KANSL1: variants seen among roughly 807,000 people sequenced by gnomAD.
KANSL1 encodes the protein KAT8 regulatory NSL complex subunit 1.
Under a neutral mutation model 103.6 loss-of-function variants are expected in KANSL1, and 22 were observed. That is an observed-to-expected ratio of 0.21 (90% CI 0.15 to 0.30). The LOEUF (loss-of-function observed/expected upper bound fraction) is 0.30. Ranked by LOEUF, KANSL1 falls within the 10% of genes least tolerant of loss-of-function variation. The pLI is 1.00. For synonymous variants in KANSL1, 600 were observed against 527.6 expected (o/e 1.14, Z -1.88); for missense variants, 1,337 against 1,399.8 (o/e 0.96, Z 0.72).
chr17:46,169,642 A>G (rs1284179385), intron 2 of KANSL1: 2 of 152,278 alleles, frequency 1.3e-5, no homozygotes, highest in African/African-American at 2.4e-5. Flanking sequence ...CTAGTCAATT[A>G]TCCTGCCCCT....
intron 14 of KANSL1, 168 bp downstream of exon 14, chr17:46,031,879 G>T: frequency 9.3e-7 from 1 of 1,071,224 alleles, no homozygotes; most frequent in Non-Finnish European, 1.4e-6. Flanking sequence ...TGATCATTTA[G>T]CAGTGATCAA....
At chr17:46,123,417 G>C (rs1013620530) in intron 2 of KANSL1, among the ~76,000 whole-genome samples, 6 of 152,192 alleles carry the variant, frequency 3.9e-5, no homozygotes, top group Admixed American at 6.5e-5. Flanking sequence ...AGCTAGAAGT[G>C]ATTAAGCTTC....
intron 1 of KANSL1, among the ~76,000 whole-genome samples, chr17:46,215,555 G>C (rs2048314431): frequency 6.6e-6 from 1 of 152,202 alleles, no homozygotes; most frequent in Non-Finnish European, 1.5e-5. Context: ...GACTCAAAAA[G>C]GAGAAGTAGG....
chr17:46,067,856 T>C (rs946742292), intron 4 of KANSL1, among the ~76,000 whole-genome samples, 189 bp from the exon 5 acceptor site: 5 of 152,040 alleles, frequency 3.3e-5, no homozygotes, highest in Admixed American at 6.6e-5. Flanking sequence ...GCAACTATAA[T>C]TGCAGCACTT....
chr17:46,049,122 A>G (rs1003742053), intron 7 of KANSL1, among the ~76,000 whole-genome samples: 2 of 151,516 alleles, frequency 1.3e-5, no homozygotes, highest in Non-Finnish European at 2.9e-5. Context: ...TTCCTGAGTT[A>G]TCTCTATTTT....
At chr17:46,172,886 T>C (rs2046355633) in intron 1 of KANSL1, among the ~76,000 whole-genome samples, 1 of 152,250 alleles carries the variant, frequency 6.6e-6, no homozygotes, top group Admixed American at 6.5e-5. Context: ...AAGTATCTTC[T>C]GCCCTCAGTA....
intron 2 of KANSL1, chr17:46,147,981 C>CG (rs1368906586): frequency 6.6e-6 from 1 of 152,158 alleles, no homozygotes; most frequent in African/African-American, 2.4e-5. Context: ...TGTGGTTACT[C>CG]GTTCTGGGCC....
At chr17:46,203,005 G>C (rs1364487535) in intron 1 of KANSL1, among the ~76,000 whole-genome samples, 1 of 152,260 alleles carries the variant, frequency 6.6e-6, no homozygotes, top group African/African-American at 2.4e-5. Flanking sequence ...GCCGAGGCCA[G>C]TGGTTTGCTA....
Position 46,029,955 on chromosome 17 carries a change from CT to C in KANSL1, c.*1520del, listed in dbSNP as rs67801660. The C allele has an allele frequency of 0.15, 21,725 of 145,282 alleles. 2,095 individuals are homozygous for C. Among genetic ancestry groups the C allele is most frequent in the Non-Finnish European group, 0.22 (14,738 of 65,990 alleles). 9.0% of individuals were successfully genotyped at this position (145,282 alleles called of 1,614,324 possible). A position where few individuals can be genotyped will look rare whatever the true frequency, so the allele number is the denominator to read the frequency against. ...TTTTTATTTTTTTCAATTTTTCCTT[CT>C]TTTTTTTTTTTAAGCACTAGTCTGT... is the stretch of plus-strand genomic sequence containing the variant. On this transcript the variant is annotated 3_prime_UTR_variant, in exon 15 of 15. Transcript: ENST00000432791.
Position 46,189,031 on chromosome 17 carries a change from CAAAAAAAAAAAAAAAA to C in KANSL1, c.-90+3776_-90+3791del, listed in dbSNP as rs57566816. Reference sequence around the variant, plus strand: ...CTGGGCAACAGAGCAAAGATTGTCTCAAAAAAAAAAAAAAAAAAAAAAAAAAAAAAAAAAAGACAAG... The same window carrying C: ...CTGGGCAACAGAGCAAAGATTGTCTCAAAAAAAAAAAAAAAAAAAGACAAG... On this transcript the variant is annotated intron_variant, in intron 1 of 14. Coordinates refer to ENST00000432791, the MANE Select transcript of KANSL1 (RefSeq NM_015443.4). Among the ~76,000 whole-genome samples the C allele has an allele frequency of 2.3e-3, 144 of 62,388 alleles. 2 individuals carry two copies. Among genetic ancestry groups the C allele is most frequent in the Middle Eastern group, 0.02 (2 of 98 alleles). The allele number at this position is 62,388 out of a possible 152,430, so 40.9% of individuals were successfully genotyped here.
intron 2 of KANSL1, among the ~76,000 whole-genome samples, chr17:46,168,922 T>C (rs2046142025): frequency 6.6e-6 from 1 of 152,240 alleles, no homozygotes; most frequent in Non-Finnish European, 1.5e-5. Flanking sequence ...GTCATTAAAC[T>C]ATCCTACAGA....
At chr17:46,147,455 T>C (rs866448675) in intron 2 of KANSL1, among the ~76,000 whole-genome samples, 46 of 151,718 alleles carry the variant, frequency 3.0e-4, no homozygotes, top group Middle Eastern at 6.8e-3. Context: ...GCGCCTGTAG[T>C]GCCAGCTACT....
intron 7 of KANSL1, chr17:46,050,266 T>C (rs1335539536): frequency 1.2e-5 from 6 of 493,086 alleles, no homozygotes; most frequent in Non-Finnish European, 2.2e-5. Flanking sequence ...ACCAGATTAC[T>C]GTGGCTAGAG....
At chr17:46,073,656 AG>A (rs1301869309) in intron 4 of KANSL1, among the ~76,000 whole-genome samples, 1 of 151,940 alleles carries the variant, frequency 6.6e-6, no homozygotes, top group Non-Finnish European at 1.5e-5. Context: ...TGGGGAAAAC[AG>A]GGAAGGCTAG....
intron 1 of KANSL1, among the ~76,000 whole-genome samples, chr17:46,176,945 A>C (rs2046551106): frequency 6.6e-6 from 1 of 152,034 alleles, no homozygotes; most frequent in African/African-American, 2.4e-5. Context: ...CCCATTCCTA[A>C]TTCCTAAATC....
chr17:46,090,344 T>C (rs1224502277), intron 3 of KANSL1, among the ~76,000 whole-genome samples: 1 of 152,236 alleles, frequency 6.6e-6, no homozygotes, highest in African/African-American at 2.4e-5. Flanking sequence ...AGCCATCCCA[T>C]TTGTGATAGT....
chr17:46,173,452 A>AT (rs1266015884), intron 1 of KANSL1, among the ~76,000 whole-genome samples: 4 of 152,136 alleles, frequency 2.6e-5, no homozygotes, highest in Non-Finnish European at 5.9e-5. Context: ...CCTCTGTTTG[A>AT]TCCCCCTTGA....
intron 4 of KANSL1, among the ~76,000 whole-genome samples, chr17:46,078,873 T>C (rs2078885192): frequency 6.6e-6 from 1 of 152,182 alleles, no homozygotes; most frequent in Non-Finnish European, 1.5e-5. Context: ...GGGCACACCC[T>C]CTTTGTTCAA....
intron 3 of KANSL1, chr17:46,093,473 G>C (rs1356078149): frequency 6.7e-6 from 1 of 148,980 alleles, no homozygotes; most frequent in African/African-American, 2.4e-5. Flanking sequence ...TGAACTTTTA[G>C]GGGGAGGGGG....
Sources: allele counts gnomAD v4.1 joint callset (sites outside exome capture counted in the v4.1 genomes callset), GRCh38; gene constraint gnomAD v4.1.1; transcripts MANE v1.5; gene names NCBI Gene and HGNC (gene_info 2026-07-23, HGNC 2026-07-21).